SLC25A17: variants seen among roughly 807,000 people sequenced by gnomAD.
The protein encoded by SLC25A17 is peroxisomal membrane protein PMP34.
SLC25A17 carries 26 observed loss-of-function variants against 38.5 expected under a neutral mutation model. The observed-to-expected ratio is 0.68, with a 90% CI of 0.50 to 0.94. The LOEUF is 0.94. SLC25A17 is among the 40% of genes least tolerant of loss of function. The pLI, the probability that SLC25A17 is intolerant of heterozygous loss-of-function variation, is 0.00. For missense variants in SLC25A17, 333 were observed against 372.7 expected (o/e 0.89, Z 0.88); for synonymous variants, 139 against 136.2 (o/e 1.02, Z -0.14).
intron 1 of SLC25A17, among the ~76,000 whole-genome samples, chr22:40,802,974 G>C (rs745745367): frequency 3.9e-5 from 6 of 152,182 alleles, no homozygotes; most frequent in African/African-American, 1.4e-4. Flanking sequence ...TCAAACTGGG[G>C]TAATTACCAC....
chr22:40,778,927 A>T, intron 5 of SLC25A17, 82 bp downstream of exon 5: 1 of 1,196,840 alleles, frequency 8.4e-7, no homozygotes, highest in Non-Finnish European at 1.2e-6. Context: ...AGGATATGTT[A>T]TGTAGCTTTA....
intron 2 of SLC25A17, chr22:40,797,436 T>C: frequency 1.9e-6 from 1 of 519,724 alleles, no homozygotes; most frequent in South Asian, 1.5e-5. Flanking sequence ...TGGCATTGAG[T>C]ATGTGGCTCC....
At chr22:40,781,570 C>A (rs2057295251) in intron 4 of SLC25A17, among the ~76,000 whole-genome samples, 1 of 152,134 alleles carries the variant, frequency 6.6e-6, no homozygotes, top group Non-Finnish European at 1.5e-5. Context: ...CAAGGACAAC[C>A]TCAAGTACAA....
chr22:40,771,678 A>T lies in SLC25A17; in HGVS notation c.777-697T>A, dbSNP rs538064573. On this transcript the variant is annotated intron_variant, in intron 8 of 8. Transcript: ENST00000435456. ...AATCAAAACAATTGAACTCATGGAG[A>T]TAAAGGTAGAAGGATGGTTACCAGA... Among the ~76,000 whole-genome samples, 4 of 152,296 alleles carry T rather than the reference A, an allele frequency of 2.6e-5. No individual in the cohort carries two copies. In the South Asian group the frequency reaches 8.3e-4, roughly 32 times the overall value.
intron 8 of SLC25A17, 92 bp downstream of exon 8, chr22:40,773,844 AG>A: frequency 1.1e-6 from 1 of 900,296 alleles, no homozygotes; most frequent in Non-Finnish European, 1.9e-6. Flanking sequence ...GCCACCACCA[AG>A]GCAGTAGTGT....
chr22:40,807,989 A>G (rs1413526599), intron 1 of SLC25A17, among the ~76,000 whole-genome samples: 2 of 151,994 alleles, frequency 1.3e-5, no homozygotes, highest in African/African-American at 4.8e-5. Context: ...ATAAACACTC[A>G]TTTTTTTCCC....
chr22:40,797,662 T>G (rs776132603), intron 2 of SLC25A17, among the ~76,000 whole-genome samples: 3 of 152,046 alleles, frequency 2.0e-5, no homozygotes, highest in Non-Finnish European at 4.4e-5. Context: ...CATGATATCT[T>G]CTAGAAAGAA....
chr22:40,783,658 TAG>T (rs1290873857), intron 4 of SLC25A17, among the ~76,000 whole-genome samples: 3 of 152,076 alleles, frequency 2.0e-5, no homozygotes, highest in African/African-American at 7.2e-5. Context: ...TTAAAATATG[TAG>T]AGACAGCTTT....
intron 4 of SLC25A17, among the ~76,000 whole-genome samples, chr22:40,785,332 G>A (rs138293): frequency 0.65 from 99,490 of 152,160 alleles, 32,988 homozygotes; most frequent in Admixed American, 0.74. Context: ...TGCAGTGAGC[G>A]GAGATCGCGC....
At chr22:40,809,173 TATTTTTAATG>T (rs1412610899) in intron 1 of SLC25A17, among the ~76,000 whole-genome samples, 7 of 152,052 alleles carry the variant, frequency 4.6e-5, no homozygotes, top group Non-Finnish European at 1.0e-4. Flanking sequence ...CCAGCTAATG[TATTTTTAATG>T]ATTTTTAATG....
intron 1 of SLC25A17, among the ~76,000 whole-genome samples, chr22:40,813,300 G>A (rs138321): frequency 0.51 from 76,831 of 151,950 alleles, 20,116 homozygotes; most frequent in Admixed American, 0.65. Context: ...CACTTTGGGA[G>A]GCTGAGGTGG....
intron 1 of SLC25A17, among the ~76,000 whole-genome samples, chr22:40,800,047 C>T (rs2057467367): frequency 6.6e-6 from 1 of 152,108 alleles, no homozygotes; most frequent in Admixed American, 6.5e-5. Context: ...ATACATTCAC[C>T]ACAAATTGAA....
chr22:40,771,011 A>C lies in SLC25A17; in HGVS notation c.777-30T>G, dbSNP rs748392776. On this transcript the variant is annotated intron_variant, in intron 8 of 8. Transcript: ENST00000435456. ...AGGGAAAGAGGTTTGAAAAAACAGA[A>C]GTCAGCTCCTGCATCAGAGAACATG... 4 of 1,515,968 alleles carry C rather than the reference A, an allele frequency of 2.6e-6. No homozygotes were observed. The East Asian group carries it at 9.4e-5, about 36-fold the overall frequency. 93.9% of individuals were successfully genotyped at this position (1,515,968 alleles called of 1,614,324 possible).
At chr22:40,816,212 G>A (rs1200684253) in intron 1 of SLC25A17, among the ~76,000 whole-genome samples, 1 of 148,058 alleles carries the variant, frequency 6.8e-6, no homozygotes, top group African/African-American at 2.5e-5. Context: ...AAAAAAAAAA[G>A]AAAGAAAGAA....
intron 7 of SLC25A17, 70 bp from the exon 8 acceptor site, chr22:40,774,089 G>A (rs2057216093): frequency 2.2e-6 from 2 of 920,616 alleles, no homozygotes; most frequent in Admixed American, 3.6e-5. Flanking sequence ...TACCTGGGGA[G>A]GATATTATGT....
intron 4 of SLC25A17, among the ~76,000 whole-genome samples, chr22:40,783,644 G>T (rs1014012721): frequency 2.6e-5 from 4 of 151,992 alleles, no homozygotes; most frequent in Non-Finnish European, 5.9e-5. Flanking sequence ...TCCCAGCACT[G>T]AAGTTAAAAT....
rs35942508 is a variant in SLC25A17, at chr22:40,819,204, G to T, written c.45C>A (p.Ala15=). ...AAAGACCCCGTCTCACCACGGCTCCGGCCACGGCGTGGACCAGGCTTTCGT... is the reference window on the plus strand; with the variant it reads ...AAAGACCCCGTCTCACCACGGCTCCTGCCACGGCGTGGACCAGGCTTTCGT... ...LSYESLVHAV[A]GAVGSVTAMT... Residue 15 remains alanine, a synonymous_variant, in exon 1 of 9, where the codon GCC becomes GCA. Coordinates refer to ENST00000435456, the MANE Select transcript of SLC25A17 (RefSeq NM_006358.4). 2.4e-4 allele frequency: 389 copies of T among 1,613,560 alleles called. No homozygotes were observed. In the African/African-American group the frequency reaches 4.8e-3, roughly 20 times the overall value.
intron 1 of SLC25A17, among the ~76,000 whole-genome samples, chr22:40,804,132 C>T (rs1799181887): frequency 6.6e-6 from 1 of 152,116 alleles, no homozygotes; most frequent in Non-Finnish European, 1.5e-5. Flanking sequence ...CTTTCAATCC[C>T]AATTCGGGCT....
At chr22:40,799,191 G>GCATGGTTGTGGT in intron 1 of SLC25A17, 108 bp from the exon 2 acceptor site, 1 of 746,492 alleles carries the variant, frequency 1.3e-6, no homozygotes, top group Non-Finnish European at 2.3e-6. Flanking sequence ...GAGTGCAGTG[G>GCATGGTTGTGGT]TTTACGGCAG....
Sources: allele counts gnomAD v4.1 joint callset (sites outside exome capture counted in the v4.1 genomes callset), GRCh38; gene constraint gnomAD v4.1.1; transcripts MANE v1.5; gene names NCBI Gene and HGNC (gene_info 2026-07-23, HGNC 2026-07-21).